GPRIN2: variants seen among roughly 807,000 people sequenced by gnomAD.
GPRIN2 encodes the protein G protein-regulated inducer of neurite outgrowth 2.
GPRIN2 carries 1 observed loss-of-function variant against 0.3 expected under a neutral mutation model. The ratio of observed to expected loss-of-function variants is 3.90; its 90% CI spans 1.39 to 18.51. The LOEUF is 18.51. Among genes scored for constraint, GPRIN2 ranks in the 30% most tolerant of loss-of-function variants. The pLI, the probability that GPRIN2 is intolerant of heterozygous loss-of-function variation, is 0.11. For synonymous variants in GPRIN2, 361 were observed against 258.6 expected (o/e 1.40, Z -3.80); for missense variants, 880 against 604.2 (o/e 1.46, Z -4.79).
chr10:46,552,774 C>T (rs999371407), intron 2 of GPRIN2, among the ~76,000 whole-genome samples: 14 of 152,416 alleles, frequency 9.2e-5, no homozygotes, highest in Admixed American at 2.6e-4. Flanking sequence ...TAATGGCTAC[C>T]GTACAGGACT....
chr10:46,544,685 G>T lies in GPRIN2; in HGVS notation c.*4675C>A, dbSNP rs1842006284. On this transcript the variant is annotated 3_prime_UTR_variant, in exon 3 of 3. Coordinates refer to ENST00000374314, the MANE Select transcript of GPRIN2 (RefSeq NM_001385282.1). Reference sequence around the variant, plus strand: ...TTGCAGAACAACCTATTAAACAGAAGTAGGTAAAAGTTGAGAAAGGGAAGT... The same window carrying T: ...TTGCAGAACAACCTATTAAACAGAATTAGGTAAAAGTTGAGAAAGGGAAGT... Among the ~76,000 whole-genome samples, 1 of 152,310 alleles carries T rather than the reference G, an allele frequency of 6.6e-6. No individual in the cohort carries two copies. The highest frequency in any genetic ancestry group is 6.5e-5 in the Admixed American group (1 of 15,294).
chr10:46,550,169 C>T lies in GPRIN2; in HGVS notation c.568G>A (p.Gly190Arg), dbSNP rs1588964979. 6.3e-7 allele frequency: 1 copy of T among 1,599,154 alleles called. No individual in the cohort carries two copies. Among genetic ancestry groups the T allele is most frequent in the Non-Finnish European group, 8.5e-7 (1 of 1,172,182 alleles). Residue 190 changes from glycine to arginine, a missense_variant, in exon 3 of 3, where the codon GGG becomes AGG. Transcript: ENST00000374314. ...DETSNSAWML[G>R]ASQLSVPPLD... is the part of the protein sequence containing the mutation. Reference sequence around the variant, plus strand: ...GGTGGCACTGACAACTGACTCGCCCCCAGCATCCAGGCTGAGTTAGAAGTC... The same window carrying T: ...GGTGGCACTGACAACTGACTCGCCCTCAGCATCCAGGCTGAGTTAGAAGTC...
rs1299673908 is a variant in GPRIN2 at position 46,547,067 on chromosome 10, C to T, written c.*2293G>A. ...AGGTTTCACTGGTCCCAGCCAAACC[C>T]TGTGGCAGGTGGCCCTTTCTGCACC... On this transcript the variant is annotated 3_prime_UTR_variant, in exon 3 of 3. Coordinates refer to ENST00000374314, the MANE Select transcript of GPRIN2 (RefSeq NM_001385282.1). Among the ~76,000 whole-genome samples the T allele has an allele frequency of 1.3e-5, 2 of 152,308 alleles. No homozygotes were observed. Among genetic ancestry groups the T allele is most frequent in the East Asian group, 1.9e-4 (1 of 5,208 alleles).
Position 46,542,509 on chromosome 10 carries a change from T to G in GPRIN2, c.*6851A>C. 6.6e-6 allele frequency among the ~76,000 whole-genome samples: 1 copy of G among 152,430 alleles called. No homozygotes were observed. The highest frequency in any genetic ancestry group is 1.9e-4 in the East Asian group (1 of 5,196). Reference sequence around the variant, plus strand: ...TGCATTCATTTTCCTTCCTGCTGCCTTGTGAAGAAGGTGCCTTGCTTCTCC... The same window carrying G: ...TGCATTCATTTTCCTTCCTGCTGCCGTGTGAAGAAGGTGCCTTGCTTCTCC... On this transcript the variant is annotated 3_prime_UTR_variant, in exon 3 of 3. Coordinates refer to ENST00000374314, the MANE Select transcript of GPRIN2 (RefSeq NM_001385282.1).
Position 46,545,238 on chromosome 10 carries a change from C to G in GPRIN2, c.*4122G>C, listed in dbSNP as rs1383030043. Among the ~76,000 whole-genome samples, 2 of 152,404 alleles carry G rather than the reference C, an allele frequency of 1.3e-5. No individual in the cohort carries two copies. Among genetic ancestry groups the G allele is most frequent in the East Asian group, 3.8e-4 (2 of 5,196 alleles). On this transcript the variant is annotated 3_prime_UTR_variant, in exon 3 of 3. Coordinates refer to ENST00000374314, the MANE Select transcript of GPRIN2 (RefSeq NM_001385282.1). The stretch of plus-strand genomic sequence containing the variant: ...CTGGTGGTTTCTGTGCACAACTTCC[C>G]CCAAAATAGGCCCTACGACTCCAGC...
chr10:46,547,981 G>C lies in GPRIN2; in HGVS notation c.*1379C>G, dbSNP rs1832826195. On this transcript the variant is annotated 3_prime_UTR_variant, in exon 3 of 3. Coordinates refer to ENST00000374314, the MANE Select transcript of GPRIN2 (RefSeq NM_001385282.1). ...GCATGAGTCATTTCCACCTCAATGA[G>C]TACCAGGTCCTTGAGGATGGGGAAA... 3.3e-5 allele frequency among the ~76,000 whole-genome samples: 5 copies of C among 152,420 alleles called. No individual in the cohort carries two copies. Among genetic ancestry groups the C allele is most frequent in the African/African-American group, 1.2e-4 (5 of 41,606 alleles).
rs1832587615 is a variant in GPRIN2, at chr10:46,549,792, G to A, written c.945C>T (p.Thr315=). The change falls in exon 3 of 3, where the codon ACC becomes ACT. Residue 315 remains threonine, a synonymous_variant. Transcript: ENST00000374314. ...EPGSRTKDVW[T]MTSANDLAPA... is the part of the protein sequence containing the mutation. ...GGGCCAAGTCATTGGCTGAGGTCATGGTCCACACATCTTTGGTCCTAGAGC... is the reference window on the plus strand; with the variant it reads ...GGGCCAAGTCATTGGCTGAGGTCATAGTCCACACATCTTTGGTCCTAGAGC... The A allele has an allele frequency of 1.9e-6, 3 of 1,614,206 alleles. No individual in the cohort carries two copies. The highest frequency in any genetic ancestry group is 1.1e-5 in the South Asian group (1 of 91,092).
At position 46,549,944 on chromosome 10, in the gene GPRIN2, C is replaced by T. The variant is rs1832541783; in HGVS notation, c.793G>A (p.Val265Met). The T allele has an allele frequency of 6.2e-7, 1 of 1,614,290 alleles. No individual in the cohort carries two copies. The highest frequency in any genetic ancestry group is 1.1e-5 in the South Asian group (1 of 91,092). The change falls in exon 3 of 3, where the codon GTG becomes ATG. Residue 265 changes from valine (V) to methionine (M), a missense_variant. Coordinates refer to ENST00000374314, the MANE Select transcript of GPRIN2 (RefSeq NM_001385282.1). ...TGAGCCTGCAGCCCAGACTCGCTCA[C>T]TGACGCCACTAGTTTGGGAAAGGCC... Reference protein sequence around the residue: ...ILAFPKLVASVSESGLQAQHG... With the variant: ...ILAFPKLVASMSESGLQAQHG...
rs1832695364 is a variant in GPRIN2 at position 46,549,511 on chromosome 10, T to G, written c.1226A>C (p.Lys409Thr). The stretch of plus-strand genomic sequence containing the variant: ...CTGCTCAAACTGCATCTCCAGGTGC[T>G]TCTGGATGGCCACACCGAGCACCTC... ...DLEVLGVAIQ[K>T]HLEMQFEQLQ... The change falls in exon 3 of 3, where the codon AAG (lysine) becomes ACG (threonine). Residue 409 changes from lysine (K) to threonine (T), a missense_variant. Physicochemically the swap from Lys to Thr is moderately conservative, Grantham distance 78 (BLOSUM62 -1). Coordinates refer to ENST00000374314, the MANE Select transcript of GPRIN2 (RefSeq NM_001385282.1). 2 of 1,613,012 alleles carry G rather than the reference T, an allele frequency of 1.2e-6. No homozygotes were observed. Among genetic ancestry groups the G allele is most frequent in the Non-Finnish European group, 1.7e-6 (2 of 1,179,258 alleles).
At position 46,542,742 on chromosome 10, in the gene GPRIN2, T is replaced by C. The variant is rs1250413021; in HGVS notation, c.*6618A>G. On this transcript the variant is annotated 3_prime_UTR_variant, in exon 3 of 3. Coordinates refer to ENST00000374314, the MANE Select transcript of GPRIN2 (RefSeq NM_001385282.1). ...TCCTCCAGTCCCTAGCCTTGGCTCT[T>C]GGACACGAATCCAGTTCCTGACAGC... Among the ~76,000 whole-genome samples, 1 of 152,306 alleles carries C rather than the reference T, an allele frequency of 6.6e-6. No individual in the cohort carries two copies. The highest frequency in any genetic ancestry group is 2.4e-5 in the African/African-American group (1 of 41,488).
rs1832859829 is a variant in GPRIN2, at chr10:46,547,218, C to T, written c.*2142G>A. On this transcript the variant is annotated 3_prime_UTR_variant, in exon 3 of 3. Coordinates refer to ENST00000374314, the MANE Select transcript of GPRIN2 (RefSeq NM_001385282.1). ...TTGCACACATGTGTGCCTGTGTATGCGTGTGTGTGCACGTGTATGAACCCA... is the reference window on the plus strand; with the variant it reads ...TTGCACACATGTGTGCCTGTGTATGTGTGTGTGTGCACGTGTATGAACCCA... Among the ~76,000 whole-genome samples the T allele has an allele frequency of 6.6e-5, 10 of 152,420 alleles. No individual in the cohort carries two copies. The South Asian group carries it at 8.3e-4, about 13-fold the overall frequency.
chr10:46,549,624 G>T lies in GPRIN2; in HGVS notation c.1113C>A (p.Ser371Arg), dbSNP rs1832649566. 4 of 1,614,144 alleles carry T rather than the reference G, an allele frequency of 2.5e-6. No homozygotes were observed. In the African/African-American group the frequency reaches 5.3e-5, roughly 22 times the overall value. ...HVFPEVTLGS[S>R]LEEVPSPVRD... ...GCACAGGGGACGGCACCTCCTCCAG[G>T]CTGGACCCCAGAGTTACCTCTGGGA... is the stretch of plus-strand genomic sequence containing the variant. Residue 371 changes from serine to arginine, a missense_variant, in exon 3 of 3, where the codon AGC becomes AGA. Coordinates refer to ENST00000374314, the MANE Select transcript of GPRIN2 (RefSeq NM_001385282.1).
upstream of GPRIN2, among the ~76,000 whole-genome samples, chr10:46,556,796 A>G (rs1337672369): frequency 8.3e-6 from 1 of 120,364 alleles, no homozygotes; most frequent in Non-Finnish European, 1.8e-5. Flanking sequence ...GCGCGCCCCC[A>G]CCCCTCCTTC....
intron 2 of GPRIN2, among the ~76,000 whole-genome samples, chr10:46,552,672 G>A (rs1293431482): frequency 1.3e-5 from 2 of 152,312 alleles, no homozygotes; most frequent in Non-Finnish European, 2.9e-5. Flanking sequence ...AGGCACCAAT[G>A]GCATGTGGGT....
chr10:46,557,324 G>A, upstream of GPRIN2, among the ~76,000 whole-genome samples: 1 of 152,298 alleles, frequency 6.6e-6, no homozygotes. Context: ...TGAACTCCAT[G>A]ATCCTGGCCT....
Position 46,547,269 on chromosome 10 carries a change from C to CCTA in GPRIN2, c.*2088_*2090dup, listed in dbSNP as rs1433707238. Among the ~76,000 whole-genome samples, 4 of 152,310 alleles carry CCTA rather than the reference C, an allele frequency of 2.6e-5. No homozygotes were observed. The highest frequency in any genetic ancestry group is 7.2e-5 in the African/African-American group (3 of 41,486). On this transcript the variant is annotated 3_prime_UTR_variant, in exon 3 of 3. Coordinates refer to ENST00000374314, the MANE Select transcript of GPRIN2 (RefSeq NM_001385282.1). ...GCCCCCAGCTGCCCACTCCATTGCC[C>CCTA]CTAAACAGGCCCCTCCTTGGTGTCA...
Position 46,550,724 on chromosome 10 carries a change from G to C in GPRIN2, c.13C>G (p.Arg5Gly). The change falls in exon 3 of 3, where the codon CGC becomes GGC. Residue 5 changes from arginine (R) to glycine (G), a missense_variant. Coordinates refer to ENST00000374314, the MANE Select transcript of GPRIN2 (RefSeq NM_001385282.1). MSSS[R>G]PEPGPWAPLS... The stretch of plus-strand genomic sequence containing the variant: ...GGTGCCCAGGGACCCGGCTCGGGGC[G>C]GCTGGAGCTCATGGCTGCCTGCAGA... 1 of 1,505,662 alleles carries C rather than the reference G, an allele frequency of 6.6e-7. No individual in the cohort carries two copies. Among genetic ancestry groups the C allele is most frequent in the Non-Finnish European group, 8.9e-7 (1 of 1,129,114 alleles). The allele number at this position is 1,505,662 out of a possible 1,614,324, so 93.3% of individuals were successfully genotyped here.
chr10:46,549,122 T>TATA lies in GPRIN2; in HGVS notation c.*237_*238insTAT. 2 of 501,164 alleles carry TATA rather than the reference T, an allele frequency of 4.0e-6. No homozygotes were observed. Among genetic ancestry groups the TATA allele is most frequent in the South Asian group, 6.2e-5 (1 of 16,222 alleles). The allele number at this position is 501,164 out of a possible 1,614,324, so 31.0% of individuals were successfully genotyped here. A position where few individuals can be genotyped will look rare whatever the true frequency, so the allele number is the denominator to read the frequency against. On this transcript the variant is annotated 3_prime_UTR_variant, in exon 3 of 3. Transcript: ENST00000374314. Reference sequence around the variant, plus strand: ...CAGTGCTAAAGCCCTGTCTCAAAGTTCAGAGCCCGGAAGGTGCAGAGATGT... The same window carrying TATA: ...CAGTGCTAAAGCCCTGTCTCAAAGTTATACAGAGCCCGGAAGGTGCAGAGATGT...
rs1205519658 is a variant in GPRIN2 at position 46,547,179 on chromosome 10, C to T, written c.*2181G>A. On this transcript the variant is annotated 3_prime_UTR_variant, in exon 3 of 3. Transcript: ENST00000374314. ...GAAACCTCAGCATCCTGAAATGCCTCCTCCCCAAATCCATTGCACACATGT... is the reference window on the plus strand; with the variant it reads ...GAAACCTCAGCATCCTGAAATGCCTTCTCCCCAAATCCATTGCACACATGT... 2.6e-5 allele frequency among the ~76,000 whole-genome samples: 4 copies of T among 152,418 alleles called. No homozygotes were observed. In the East Asian group the frequency reaches 5.8e-4, roughly 22 times the overall value.
Sources: gnomAD v4.1 joint callset for allele counts (sites outside exome capture counted in the v4.1 genomes callset) on GRCh38, gnomAD v4.1.1 for gene constraint, MANE v1.5 for transcripts, NCBI Gene and HGNC (gene_info 2026-07-23, HGNC 2026-07-21) for gene names.